Variants in CIC observed in about 807,000 individuals in gnomAD.
CIC encodes protein capicua homolog.
CIC carries 18 observed loss-of-function variants against 115.7 expected under a neutral mutation model. The ratio of observed to expected loss-of-function variants is 0.16; its 90% CI spans 0.11 to 0.23. CIC has a LOEUF of 0.23. Among genes scored for constraint, CIC ranks in the 10% least tolerant of loss-of-function variants. CIC has a pLI of 1.00. For missense variants in CIC, 2,000 were observed against 2,159.3 expected, an observed-to-expected ratio of 0.93 and a Z score of 1.46; for synonymous variants, 1,076 against 923.0, an observed-to-expected ratio of 1.17 and a Z score of -3.01.
chr19:42,270,622 G>T lies in CIC; in HGVS notation c.-10-1152G>T, dbSNP rs2036745064. ...ACCTATCCCCACTTGGAGTTGGAGG[G>T]CATATTTGGGGGCCTGCGGGGGGCT... On this transcript the variant is annotated intron_variant, in intron 1 of 20. Coordinates refer to ENST00000681038, the MANE Select transcript of CIC (RefSeq NM_001386298.1). This position sits in a 1 kb window ranked among gnomAD's most constrained non-coding sequence, Gnocchi z 4.1. 6.6e-6 allele frequency among the ~76,000 whole-genome samples: 1 copy of T among 152,116 alleles called. No individual in the cohort carries two copies. Among genetic ancestry groups the T allele is most frequent in the Non-Finnish European group, 1.5e-5 (1 of 68,000 alleles).
rs1385387950 is a variant in CIC at position 42,292,456 on chromosome 19, C to G, written c.5892C>G (p.Pro1964=). The G allele has an allele frequency of 1.2e-6, 2 of 1,611,524 alleles. No individual in the cohort carries two copies. The highest frequency in any genetic ancestry group is 1.7e-6 in the Non-Finnish European group (2 of 1,179,044). ...LGPSGPAFVQ[P]LLSAGQAPLL... is the part of the protein sequence containing the mutation. ...CCAGCGGCCCCGCCTTCGTGCAGCC[C>G]CTGCTCTCAGGTGAGGGGCGGCCTG... Residue 1964 remains proline (P), a synonymous_variant, in exon 14 of 21, where the codon CCC becomes CCG. Coordinates refer to ENST00000681038, the MANE Select transcript of CIC (RefSeq NM_001386298.1).
rs778332214 is a variant in CIC at position 42,292,860 on chromosome 19, G to T, written c.6196+1G>T. 3 of 1,613,866 alleles carry T rather than the reference G, an allele frequency of 1.9e-6. No homozygotes were observed. The highest frequency in any genetic ancestry group is 2.5e-6 in the Non-Finnish European group (3 of 1,179,998). On this transcript the variant is annotated splice_donor_variant, in intron 15 of 20. Coordinates refer to ENST00000681038, the MANE Select transcript of CIC (RefSeq NM_001386298.1). LOFTEE classifies it high-confidence loss of function. ...ACTAGCCCTTTCCCCAGCGCCACAGGTAGGTGTCAGATCAACCCAGAGCAG... is the reference window on the plus strand; with the variant it reads ...ACTAGCCCTTTCCCCAGCGCCACAGTTAGGTGTCAGATCAACCCAGAGCAG...
intron 2 of CIC, among the ~76,000 whole-genome samples, chr19:42,283,795 C>A (rs1166035382): frequency 1.3e-5 from 2 of 152,132 alleles, no homozygotes; most frequent in Non-Finnish European, 2.9e-5. Context: ...CTGCAGTGCG[C>A]CCTCCCTGCC....
chr19:42,292,572 A>C lies in CIC; in HGVS notation c.5909A>C (p.Gln1970Pro). ...CTTCTTCTCTGTCTTTCAGCAGGCC[A>C]AGCCCCACTGCTGGCTCCCGGTCAG... ...AFVQPLLSAG[Q>P]APLLAPGQVG... The change falls in exon 15 of 21, where the codon CAA (glutamine) becomes CCA (proline). Residue 1970 changes from glutamine (Q) to proline (P), a missense_variant. Transcript: ENST00000681038. 6.2e-7 allele frequency: 1 copy of C among 1,613,212 alleles called. No individual in the cohort carries two copies. The highest frequency in any genetic ancestry group is 8.5e-7 in the Non-Finnish European group (1 of 1,179,908).
At chr19:42,279,951 G>C (rs1237978967) in intron 2 of CIC, 2 of 153,404 alleles carry the variant, frequency 1.3e-5, no homozygotes, top group African/African-American at 4.8e-5. Flanking sequence ...CCTGGCGGCA[G>C]GCGGCGGCGG....
Position 42,272,361 on chromosome 19 carries a change from C to T in CIC, c.578C>T (p.Thr193Ile). The change falls in exon 2 of 21, where the codon ACC (threonine) becomes ATC (isoleucine). Residue 193 changes from threonine (T) to isoleucine (I), a missense_variant. This residue lies in a region of CIC where 222 missense variants were observed against 247.7 expected (regional missense o/e 0.90). Transcript: ENST00000681038. ...CGPGPWPPGS[T>I]SGSYDLRQLR... ...CCAGGCCCTTGGCCCCCTGGCAGCACCAGTGGCAGCTATGACCTGCGGCAG... is the reference window on the plus strand; with the variant it reads ...CCAGGCCCTTGGCCCCCTGGCAGCATCAGTGGCAGCTATGACCTGCGGCAG... 1 of 398,550 alleles carries T rather than the reference C, an allele frequency of 2.5e-6. No homozygotes were observed. The highest frequency in any genetic ancestry group is 4.4e-6 in the Non-Finnish European group (1 of 225,982). The allele number at this position is 398,550 out of a possible 1,614,324, so 24.7% of individuals were successfully genotyped here. A position where few individuals can be genotyped will look rare whatever the true frequency, so the allele number is the denominator to read the frequency against.
At position 42,293,294 on chromosome 19, in the gene CIC, A is replaced by G; in HGVS notation, c.6522+13A>G. ...CCCTGAGACCATGGTGAGCGCCTGC[A>G]GGCCGTGGGGCTCCCACTGCCACTT... is the stretch of plus-strand genomic sequence containing the variant. On this transcript the variant is annotated intron_variant, in intron 16 of 20. Coordinates refer to ENST00000681038, the MANE Select transcript of CIC (RefSeq NM_001386298.1). 6.4e-7 allele frequency: 1 copy of G among 1,556,644 alleles called. No homozygotes were observed. Among genetic ancestry groups the G allele is most frequent in the Non-Finnish European group, 8.7e-7 (1 of 1,154,108 alleles).
chr19:42,295,246 A>G lies in CIC; in HGVS notation c.*55A>G. 2.7e-6 allele frequency: 4 copies of G among 1,472,480 alleles called. No individual in the cohort carries two copies. The South Asian group carries it at 3.7e-5, about 13-fold the overall frequency. 91.2% of individuals were successfully genotyped at this position (1,472,480 alleles called of 1,614,324 possible). On this transcript the variant is annotated 3_prime_UTR_variant, in exon 21 of 21. Transcript: ENST00000681038. ...AGTACCCCCTCAGGACATGGACAGTATGTGGGGGCAGGAAGGTTATCTCCT... is the reference window on the plus strand; with the variant it reads ...AGTACCCCCTCAGGACATGGACAGTGTGTGGGGGCAGGAAGGTTATCTCCT...
rs984378375 is a variant in CIC, at chr19:42,287,863, C to T, written c.3546C>T (p.Asp1182=). 15 of 1,613,010 alleles carry T rather than the reference C, an allele frequency of 9.3e-6. No homozygotes were observed. In the South Asian group the frequency reaches 1.6e-4, roughly 18 times the overall value. ...AHPDWKWCNK[D]RKKSSSEAKP... The stretch of plus-strand genomic sequence containing the variant: ...CAGATTGGAAGTGGTGCAACAAGGA[C>T]CGAAAGAAGTCCAGCTCAGAGGCCA... Residue 1182 remains aspartate (D), a synonymous_variant, in exon 7 of 21, where the codon GAC becomes GAT. Coordinates refer to ENST00000681038, the MANE Select transcript of CIC (RefSeq NM_001386298.1). The surrounding 1 kb of genome is among the most constrained non-coding windows in gnomAD (Gnocchi z 8.7).
chr19:42,294,742 C>G lies in CIC; in HGVS notation c.7186+7C>G. ...CATGGCTTCTTCCCGTCAGGTGAGC[C>G]TGTCTCGGAGTCTTGGGGTCACTCG... On this transcript the variant is annotated splice_region_variant and intron_variant, in intron 20 of 20. Coordinates refer to ENST00000681038, the MANE Select transcript of CIC (RefSeq NM_001386298.1). 3 of 1,613,016 alleles carry G rather than the reference C, an allele frequency of 1.9e-6. No individual in the cohort carries two copies. The highest frequency in any genetic ancestry group is 2.7e-5 in the African/African-American group (2 of 75,060).
chr19:42,290,089 T>C (rs942720880), intron 10 of CIC, 138 bp downstream of exon 10: 27 of 1,415,878 alleles, frequency 1.9e-5, no homozygotes, highest in Non-Finnish European at 2.5e-5. Context: ...AGTTGGGTCA[T>C]AGTCAGGATG....
chr19:42,286,591 A>C lies in CIC; in HGVS notation c.2795-180A>C, dbSNP rs540066492. On this transcript the variant is annotated intron_variant, in intron 2 of 20. Coordinates refer to ENST00000681038, the MANE Select transcript of CIC (RefSeq NM_001386298.1). ...TGTTTTCTTTTTTATAAATCTAGAA[A>C]CCTTTCAGGGAGGAGTTTTTCCTGA... 2.1e-4 allele frequency among the ~76,000 whole-genome samples: 29 copies of C among 140,908 alleles called. No individual in the cohort carries two copies. The East Asian group carries it at 6.2e-3, about 30-fold the overall frequency. The allele number at this position is 140,908 out of a possible 152,430, so 92.4% of individuals were successfully genotyped here.
rs1299186605 is a variant in CIC, at chr19:42,294,972, T to G, written c.7335T>G (p.Pro2445=). The change falls in exon 21 of 21, where the codon CCT becomes CCG. Residue 2445 remains proline (P), a synonymous_variant. Coordinates refer to ENST00000681038, the MANE Select transcript of CIC (RefSeq NM_001386298.1). ...EQPPGAEAPL[P]VPPPTGTAAA... Reference sequence around the variant, plus strand: ...CCCCTGGAGCTGAGGCTCCTCTCCCTGTACCGCCCCCCACTGGCACCGCTG... The same window carrying G: ...CCCCTGGAGCTGAGGCTCCTCTCCCGGTACCGCCCCCCACTGGCACCGCTG... 1 of 1,599,758 alleles carries G rather than the reference T, an allele frequency of 6.3e-7. No individual in the cohort carries two copies. The highest frequency in any genetic ancestry group is 8.5e-7 in the Non-Finnish European group (1 of 1,179,826).
At position 42,289,053 on chromosome 19, in the gene CIC, GAGA is replaced by G; in HGVS notation, c.3827_3829del (p.Glu1276del). The G allele has an allele frequency of 6.2e-7, 1 of 1,613,710 alleles. No homozygotes were observed. The highest frequency in any genetic ancestry group is 1.3e-5 in the African/African-American group (1 of 75,056). On this transcript the variant is annotated inframe_deletion, in exon 8 of 21. Transcript: ENST00000681038. ...AGCGGGGTACACAGCCTGGACGGCG[GAGA>G]AGTAGACAGTCAGGCGCTACAGGAA...
chr19:42,269,092 CT>C (rs898547438), upstream of CIC: 1 of 152,284 alleles, frequency 6.6e-6, no homozygotes, highest in African/African-American at 2.4e-5. Context: ...GCCCCGCCCC[CT>C]AGCGCTGCCC....
chr19:42,294,638 G>A lies in CIC; in HGVS notation c.7089G>A (p.Glu2363=). ...TEAEDVLGEL[E]YDKVPYSSLR... ...CCGAGGACGTGCTTGGGGAGCTAGA[G>A]TATGACAAGGTGCCATACTCCTCCC... Residue 2363 remains glutamate (E), a synonymous_variant, in exon 20 of 21, where the codon GAG becomes GAA. Transcript: ENST00000681038. 6.2e-7 allele frequency: 1 copy of A among 1,613,752 alleles called. No individual in the cohort carries two copies. Among genetic ancestry groups the A allele is most frequent in the Non-Finnish European group, 8.5e-7 (1 of 1,180,004 alleles).
chr19:42,295,143 G>GGGGGGCCCCCCCCCCCCC lies in CIC; in HGVS notation c.7506_7507insGGGGGCCCCCCCCCCCCC (p.Gln2502_Pro2503insGlyGlyProProProPro). ...AGCCTGGCTGGGAGGGGGCTCCCCA[G>GGGGGGCCCCCCCCCCCCC]CCCTCCCCCCCACCCCCAGGTCCCT... On this transcript the variant is annotated inframe_insertion, in exon 21 of 21. Coordinates refer to ENST00000681038, the MANE Select transcript of CIC (RefSeq NM_001386298.1). 7 of 1,382,708 alleles carry GGGGGGCCCCCCCCCCCCC rather than the reference G, an allele frequency of 5.1e-6. No homozygotes were observed. The highest frequency in any genetic ancestry group is 2.4e-4 in the Middle Eastern group (1 of 4,118). The allele number at this position is 1,382,708 out of a possible 1,614,324, so 85.7% of individuals were successfully genotyped here.
At position 42,287,197 on chromosome 19, in the gene CIC, G is replaced by A. The variant is rs771287929; in HGVS notation, c.3136G>A (p.Glu1046Lys). 1 of 1,613,706 alleles carries A rather than the reference G, an allele frequency of 6.2e-7. No individual in the cohort carries two copies. The highest frequency in any genetic ancestry group is 8.5e-7 in the Non-Finnish European group (1 of 1,179,928). Residue 1046 changes from glutamate to lysine, a missense_variant, in exon 4 of 21, where the codon GAG (glutamate) becomes AAG (lysine). Physicochemically the swap from Glu to Lys is moderately conservative, Grantham distance 56. Coordinates refer to ENST00000681038, the MANE Select transcript of CIC (RefSeq NM_001386298.1). This position sits in a 1 kb window ranked among gnomAD's most constrained non-coding sequence, Gnocchi z 8.7. Reference sequence around the variant, plus strand: ...GGAGGAGGCCTCCGGCCCCCCAGGAGAGCCCCGGCTGGACAGTGAGACAGA... The same window carrying A: ...GGAGGAGGCCTCCGGCCCCCCAGGAAAGCCCCGGCTGGACAGTGAGACAGA... ...TEEEASGPPGEPRLDSETESD... is the reference protein window; with the variant it reads ...TEEEASGPPGKPRLDSETESD...
chr19:42,292,947 C>T lies in CIC; in HGVS notation c.6197-9C>T. On this transcript the variant is annotated splice_polypyrimidine_tract_variant and intron_variant, in intron 15 of 20. Transcript: ENST00000681038. ...GGCCTGGCTCAGCAAACAATTTTCT[C>T]CCCACTAGCAGGTTCCATGACCTAC... 1 of 1,613,902 alleles carries T rather than the reference C, an allele frequency of 6.2e-7. No homozygotes were observed. The highest frequency in any genetic ancestry group is 2.2e-5 in the East Asian group (1 of 44,874).
Sources: gnomAD v4.1 joint callset for allele counts (sites outside exome capture counted in the v4.1 genomes callset) on GRCh38, gnomAD v4.1.1 for gene constraint, gnomAD v4.1.1 regional missense constraint, Gnocchi (gnomAD v3.1) non-coding constraint, MANE v1.5 for transcripts, NCBI Gene and HGNC (gene_info 2026-07-23, HGNC 2026-07-21) for gene names.